DACH1: variants seen among roughly 807,000 people sequenced by gnomAD.
DACH1 encodes dachshund family transcription factor 1, also known as dachshund homolog 1.
In DACH1, 12 loss-of-function variants were observed where a neutral mutation model predicts 54.2. The observed-to-expected ratio is 0.22, with a 90% CI of 0.14 to 0.36. DACH1 has a LOEUF of 0.36. Among genes scored for constraint, DACH1 ranks in the 10% least tolerant of loss-of-function variants. The pLI, the probability that DACH1 is intolerant of heterozygous loss-of-function variation, is 1.00. For synonymous variants in DACH1, 386 were observed against 366.2 expected (o/e 1.05, Z -0.62); for missense variants, 805 against 929.8 (o/e 0.87, Z 1.75).
chr13:71,815,004 G>A (rs755135494), intron 1 of DACH1, among the ~76,000 whole-genome samples: 9 of 152,168 alleles, frequency 5.9e-5, no homozygotes, highest in Non-Finnish European at 1.0e-4. Context: ...AACTAAACGG[G>A]TGGGGAGGTC....
At chr13:71,518,979 G>A (rs1431096923) in intron 6 of DACH1, among the ~76,000 whole-genome samples, 1 of 151,914 alleles carries the variant, frequency 6.6e-6, no homozygotes, top group Non-Finnish European at 1.5e-5. Context: ...TACTGAAGCA[G>A]AGTCCCAATT....
chr13:71,657,127 G>A (rs749183547), intron 2 of DACH1, among the ~76,000 whole-genome samples: 1 of 151,186 alleles, frequency 6.6e-6, no homozygotes, highest in Non-Finnish European at 1.5e-5. Context: ...TAACTAACCT[G>A]AGACTTAGAG....
In DACH1 at chr13:71,438,551, T is replaced by C. The variant is rs1873712925; in HGVS notation, c.*2104A>G. ...TTATTTCAAATCAAACACTAAAGCATTCTCAAAGGTCTTCAAATATGTATT... is the reference window on the plus strand; with the variant it reads ...TTATTTCAAATCAAACACTAAAGCACTCTCAAAGGTCTTCAAATATGTATT... On this transcript the variant is annotated 3_prime_UTR_variant, in exon 11 of 11. Coordinates refer to ENST00000613252, the MANE Select transcript of DACH1 (RefSeq NM_080759.6). 6.6e-6 allele frequency: 1 copy of C among 151,648 alleles called. No homozygotes were observed. Among genetic ancestry groups the C allele is most frequent in the Non-Finnish European group, 1.5e-5 (1 of 67,656 alleles). 9.4% of individuals were successfully genotyped at this position (151,648 alleles called of 1,614,324 possible).
At chr13:71,825,613 G>A (rs1368448177) in intron 1 of DACH1, among the ~76,000 whole-genome samples, 1 of 152,046 alleles carries the variant, frequency 6.6e-6, no homozygotes, top group Non-Finnish European at 1.5e-5. Flanking sequence ...GTTCACCCAT[G>A]TTGTACCATG....
chr13:71,621,147 G>C (rs768734792), intron 3 of DACH1, among the ~76,000 whole-genome samples: 2 of 151,416 alleles, frequency 1.3e-5, no homozygotes, highest in African/African-American at 4.8e-5. Context: ...CTTCTTTGTC[G>C]CTATGCAGCT....
intron 10 of DACH1, among the ~76,000 whole-genome samples, chr13:71,467,862 G>A (rs1185618357): frequency 6.6e-6 from 1 of 152,026 alleles, no homozygotes. Context: ...TATATTTTAA[G>A]ATCGAGAAAA....
intron 1 of DACH1, among the ~76,000 whole-genome samples, chr13:71,765,089 C>G (rs1885563938): frequency 6.6e-6 from 1 of 152,170 alleles, no homozygotes; most frequent in Non-Finnish European, 1.5e-5. Context: ...GATACCAATA[C>G]AGTCTACTAA....
chr13:71,654,872 G>A (rs1878985059), intron 2 of DACH1, among the ~76,000 whole-genome samples: 1 of 152,174 alleles, frequency 6.6e-6, no homozygotes, highest in Non-Finnish European at 1.5e-5. Flanking sequence ...ACAGAGATAG[G>A]TGGGGAATGA....
At chr13:71,583,358 C>T (rs1255999389) in intron 3 of DACH1, among the ~76,000 whole-genome samples, 1 of 151,914 alleles carries the variant, frequency 6.6e-6, no homozygotes, top group Non-Finnish European at 1.5e-5. Context: ...AGGTACATGC[C>T]TTGGTAAAAA....
intron 10 of DACH1, among the ~76,000 whole-genome samples, chr13:71,466,845 C>CAAA (rs55861394): frequency 0.74 from 73,529 of 99,304 alleles, 29,514 homozygotes; most frequent in Non-Finnish European, 0.86. Context: ...CACCCTGTCT[C>CAAA]AAAAAAAAAA....
intron 6 of DACH1, among the ~76,000 whole-genome samples, chr13:71,556,664 C>A (rs1284815178): frequency 1.3e-5 from 2 of 151,704 alleles, no homozygotes; most frequent in Non-Finnish European, 2.9e-5. Flanking sequence ...CAGAATAATC[C>A]TTTCTATATT....
chr13:71,467,548 A>T (rs932403802), intron 10 of DACH1, among the ~76,000 whole-genome samples: 49 of 151,398 alleles, frequency 3.2e-4, no homozygotes, highest in African/African-American at 1.1e-3. Flanking sequence ...ATGCTGAAAT[A>T]AAAAAAATTC....
At chr13:71,800,845 G>T (rs1887262163) in intron 1 of DACH1, among the ~76,000 whole-genome samples, 2 of 143,386 alleles carry the variant, frequency 1.4e-5, no homozygotes, top group African/African-American at 5.6e-5. Flanking sequence ...TAATAATTTA[G>T]AAAGTCCCTT....
chr13:71,778,747 C>T (rs1886181900), intron 1 of DACH1, among the ~76,000 whole-genome samples: 1 of 151,956 alleles, frequency 6.6e-6, no homozygotes, highest in Non-Finnish European at 1.5e-5. Flanking sequence ...TTTATCATTT[C>T]TTTAAGAATA....
chr13:71,826,107 C>T (rs746173311), intron 1 of DACH1, among the ~76,000 whole-genome samples: 1 of 152,100 alleles, frequency 6.6e-6, no homozygotes, highest in African/African-American at 2.4e-5. Flanking sequence ...ATCCATTTGA[C>T]TGCTTCCCAT....
chr13:71,819,519 T>C (rs563394681), intron 1 of DACH1, among the ~76,000 whole-genome samples: 1 of 152,282 alleles, frequency 6.6e-6, no homozygotes, highest in Admixed American at 6.5e-5. Context: ...TGGAAGTCTA[T>C]TTCATGGTCA....
intron 2 of DACH1, among the ~76,000 whole-genome samples, chr13:71,655,903 A>G (rs1879060893): frequency 6.6e-6 from 1 of 152,238 alleles, no homozygotes; most frequent in Admixed American, 6.5e-5. Flanking sequence ...TCTGCCAAAG[A>G]AGAAAAAGTT....
At chr13:71,680,365 G>T (rs755424577) in intron 2 of DACH1, among the ~76,000 whole-genome samples, 3 of 152,128 alleles carry the variant, frequency 2.0e-5, no homozygotes, top group Non-Finnish European at 2.9e-5. Flanking sequence ...ACTTTGGAAG[G>T]CCAAGGCAGA....
intron 2 of DACH1, among the ~76,000 whole-genome samples, chr13:71,671,698 T>C (rs1880217925): frequency 6.6e-6 from 1 of 152,082 alleles, no homozygotes; most frequent in Non-Finnish European, 1.5e-5. Context: ...ATCGTATTGT[T>C]TTGTAACATA....
Sources: gnomAD v4.1 joint callset for allele counts (sites outside exome capture counted in the v4.1 genomes callset) on GRCh38, gnomAD v4.1.1 for gene constraint, MANE v1.5 for transcripts, NCBI Gene and HGNC (gene_info 2026-07-23, HGNC 2026-07-21) for gene names.